The following HERC5 variants were observed in gnomAD, a reference collection of about 807,000 sequenced individuals.
HERC5 encodes HECT and RLD domain containing E3 ubiquitin protein ligase 5, also known as E3 ISG15--protein ligase HERC5.
In HERC5, 99 loss-of-function variants were observed where a neutral mutation model predicts 119.6. That is an observed-to-expected ratio of 0.83 (90% CI 0.70 to 0.98). The LOEUF is 0.98. Ranked by LOEUF, HERC5 falls within the 50% of genes least tolerant of loss-of-function variation. The probability of loss-of-function intolerance (pLI) is 0.00; values close to 1 mark genes in which losing one functional copy is unlikely to be tolerated. For synonymous variants in HERC5, 478 were observed against 445.9 expected, an observed-to-expected ratio of 1.07 and a Z score of -0.91; for missense variants, 1,267 against 1,241.3, an observed-to-expected ratio of 1.02 and a Z score of -0.31.
chr4:88,472,868 TGAG>T (rs1213883821), intron 11 of HERC5: 1 of 163,874 alleles, frequency 6.1e-6, no homozygotes, highest in Non-Finnish European at 1.3e-5. Flanking sequence ...AATGTAGAAA[TGAG>T]AACATTTTTT....
At chr4:88,492,780 C>A (rs1414098186) in intron 16 of HERC5, among the ~76,000 whole-genome samples, 17 of 151,952 alleles carry the variant, frequency 1.1e-4, no homozygotes, top group Non-Finnish European at 1.8e-4. Flanking sequence ...CTAGGCTGCA[C>A]CACCTGACTA....
intron 11 of HERC5, among the ~76,000 whole-genome samples, 160 bp from the exon 12 acceptor site, chr4:88,475,681 G>T (rs988800438): frequency 6.6e-6 from 1 of 152,074 alleles, no homozygotes; most frequent in South Asian, 2.1e-4. Flanking sequence ...TGGAGGCTAG[G>T]TGAGAAGGGA....
chr4:88,476,788 G>T (rs943651953), intron 12 of HERC5, among the ~76,000 whole-genome samples: 1 of 151,794 alleles, frequency 6.6e-6, no homozygotes, highest in Non-Finnish European at 1.5e-5. Flanking sequence ...GGACTTGGTG[G>T]TGCATGCCTG....
At chr4:88,489,772 G>T (rs1741576530) in intron 16 of HERC5, among the ~76,000 whole-genome samples, 1 of 152,196 alleles carries the variant, frequency 6.6e-6, no homozygotes, top group African/African-American at 2.4e-5. Context: ...GCTTTGGGAT[G>T]CTGAAGCAGG....
intron 11 of HERC5, chr4:88,472,975 T>C (rs958473112): frequency 2.0e-5 from 3 of 152,566 alleles, no homozygotes; most frequent in African/African-American, 7.3e-5. Flanking sequence ...AATGTTCTTG[T>C]TCCTTATGGG....
At chr4:88,468,261 G>C in intron 7 of HERC5, 85 bp from the exon 8 acceptor site, 3 of 934,930 alleles carry the variant, frequency 3.2e-6, no homozygotes, top group Non-Finnish European at 4.9e-6. Flanking sequence ...CTACGTTTAA[G>C]AAGAATCTGA....
intron 18 of HERC5, among the ~76,000 whole-genome samples, chr4:88,497,665 A>G (rs112291038): frequency 1.3e-5 from 2 of 152,346 alleles, no homozygotes; most frequent in African/African-American, 4.8e-5. Flanking sequence ...AAAAAAGCCA[A>G]ACTTAAAGAT....
chr4:88,475,240 T>C (rs763039082), intron 11 of HERC5, among the ~76,000 whole-genome samples: 2 of 151,720 alleles, frequency 1.3e-5, no homozygotes, highest in Non-Finnish European at 1.5e-5. Context: ...ATGGTACTTA[T>C]GACTGAGAAG....
At position 88,457,332 on chromosome 4, in the gene HERC5, C is replaced by G. The variant is rs1019109815; in HGVS notation, c.63C>G (p.Ala21=). 2.1e-6 allele frequency: 3 copies of G among 1,403,888 alleles called. No individual in the cohort carries two copies. The highest frequency in any genetic ancestry group is 3.0e-5 in the Admixed American group (1 of 32,788). 87.0% of individuals were successfully genotyped at this position (1,403,888 alleles called of 1,614,324 possible). A position where few individuals can be genotyped will look rare whatever the true frequency, so the allele number is the denominator to read the frequency against. Residue 21 remains alanine (A), a synonymous_variant, in exon 1 of 23, where the codon GCC becomes GCG. Transcript: ENST00000264350. ...GGCGCTCGACCGCGGGCAAGGCCGC[C>G]GCGACCCAGCCCGCGAAGTCTCCGG... ...RNGRSTAGKA[A]ATQPAKSPGA... is the part of the protein sequence containing the mutation.
intron 14 of HERC5, among the ~76,000 whole-genome samples, chr4:88,486,761 T>G (rs1202569374): frequency 6.6e-6 from 1 of 152,214 alleles, no homozygotes; most frequent in East Asian, 1.9e-4. Context: ...CATTCTCCGT[T>G]TATCAAATGC....
intron 10 of HERC5, among the ~76,000 whole-genome samples, chr4:88,470,984 T>A (rs768127110): frequency 9.2e-5 from 14 of 152,054 alleles, no homozygotes; most frequent in Non-Finnish European, 1.8e-4. Flanking sequence ...TCTTTTTTTT[T>A]TTGAGACAGG....
chr4:88,462,873 A>C lies in HERC5; in HGVS notation c.688+517A>C, dbSNP rs776038551. 5.6e-4 allele frequency among the ~76,000 whole-genome samples: 86 copies of C among 152,358 alleles called. 3 individuals are homozygous for C. The Middle Eastern group carries it at 0.014, about 24-fold the overall frequency. ...AACATGTAATTTCCATTATTGAACAAAGCTGATGGTGAAATTTCTCATGAT... is the reference window on the plus strand; with the variant it reads ...AACATGTAATTTCCATTATTGAACACAGCTGATGGTGAAATTTCTCATGAT... On this transcript the variant is annotated intron_variant, in intron 4 of 22. Coordinates refer to ENST00000264350, the MANE Select transcript of HERC5 (RefSeq NM_016323.4).
At position 88,479,490 on chromosome 4, in the gene HERC5, T is replaced by G; in HGVS notation, c.1720T>G (p.Leu574Val). 6.2e-7 allele frequency: 1 copy of G among 1,603,196 alleles called. No homozygotes were observed. Among genetic ancestry groups the G allele is most frequent in the South Asian group, 1.1e-5 (1 of 88,554 alleles). Residue 574 changes from leucine to valine, a missense_variant, in exon 13 of 23, where the codon TTG (leucine) becomes GTG (valine). Leu to Val is a conservative substitution (Grantham distance 32). Around this residue, in one of 3 missense-constraint regions of HERC5, gnomAD observed 777 missense variants for 758.0 expected, o/e 1.03. Transcript: ENST00000264350. ...TAATGTTCAAGCTCTCCTAGAAATG[T>G]TGAAGAAGCTGCACAGGGTAAGAGT... is the stretch of plus-strand genomic sequence containing the variant. ...NGNVQALLEMLKKLHRVNQVK... is the reference protein window; with the variant it reads ...NGNVQALLEMVKKLHRVNQVK...
intron 7 of HERC5, among the ~76,000 whole-genome samples, chr4:88,467,595 A>G (rs999294719): frequency 5.3e-5 from 8 of 152,240 alleles, no homozygotes; most frequent in African/African-American, 1.9e-4. Context: ...TGAGCAATCA[A>G]CGTATACCTG....
chr4:88,461,801 T>G (rs930438098), intron 3 of HERC5, among the ~76,000 whole-genome samples: 1 of 152,176 alleles, frequency 6.6e-6, no homozygotes, highest in Admixed American at 6.5e-5. Context: ...TTCATAGAGG[T>G]AGATTGCTTC....
At chr4:88,479,262 G>A in intron 12 of HERC5, 91 bp from the exon 13 acceptor site, 16 of 1,048,028 alleles carry the variant, frequency 1.5e-5, no homozygotes, top group Non-Finnish European at 1.8e-5. Context: ...TCCAGGCTGG[G>A]CAACAGGGTG....
chr4:88,504,784 T>C (rs1742059829), intron 22 of HERC5, among the ~76,000 whole-genome samples, 187 bp downstream of exon 22: 2 of 152,240 alleles, frequency 1.3e-5, no homozygotes, highest in Admixed American at 1.3e-4. Flanking sequence ...TTTTCCCCTG[T>C]GATTTCATCC....
At chr4:88,479,677 A>T (rs1282216380) in intron 13 of HERC5, among the ~76,000 whole-genome samples, 170 bp downstream of exon 13, 1 of 152,082 alleles carries the variant, frequency 6.6e-6, no homozygotes, top group African/African-American at 2.4e-5. Flanking sequence ...ATATATATAT[A>T]ATACCTATTT....
At position 88,506,040 on chromosome 4, in the gene HERC5, G is replaced by A. The variant is rs2149112193; in HGVS notation, c.*162G>A. The A allele has an allele frequency of 3.2e-6, 2 of 629,768 alleles. No homozygotes were observed. Among genetic ancestry groups the A allele is most frequent in the East Asian group, 5.5e-5 (2 of 36,404 alleles). 39.0% of individuals were successfully genotyped at this position (629,768 alleles called of 1,614,324 possible). A position where few individuals can be genotyped will look rare whatever the true frequency, so the allele number is the denominator to read the frequency against. ...ATAAGCAGGAAAGAGGGATGAAGAA[G>A]AGGGTTTACTGGCCGGTTAGAACCC... On this transcript the variant is annotated 3_prime_UTR_variant, in exon 23 of 23. Coordinates refer to ENST00000264350, the MANE Select transcript of HERC5 (RefSeq NM_016323.4).
Sources: gnomAD v4.1 joint callset for allele counts (sites outside exome capture counted in the v4.1 genomes callset) on GRCh38, gnomAD v4.1.1 for gene constraint, gnomAD v4.1.1 regional missense constraint, MANE v1.5 for transcripts, NCBI Gene and HGNC (gene_info 2026-07-23, HGNC 2026-07-21) for gene names.